The following ZC3H3 variants were observed in gnomAD, a reference collection of about 807,000 sequenced individuals.
ZC3H3 encodes zinc finger CCCH-type containing 3, also known as zinc finger CCCH domain-containing protein 3.
ZC3H3 carries 36 observed loss-of-function variants against 77.3 expected under a neutral mutation model. The ratio of observed to expected loss-of-function variants is 0.47; its 90% confidence interval spans 0.36 to 0.61. The LOEUF (loss-of-function observed/expected upper bound fraction) is 0.61, where lower values mean the gene tolerates loss of function less well. Among genes scored for constraint, ZC3H3 ranks in the 20% least tolerant of loss-of-function variants. The pLI is 0.00. For synonymous variants in ZC3H3, 626 were observed against 555.2 expected (o/e 1.13, Z -1.79); for missense variants, 1,331 against 1,312.2 (o/e 1.01, Z -0.22).
intron 4 of ZC3H3, among the ~76,000 whole-genome samples, chr8:143,488,791 G>A (rs376574932): frequency 2.0e-5 from 3 of 152,348 alleles, no homozygotes; most frequent in South Asian, 2.1e-4. Flanking sequence ...AATTCAAAGC[G>A]AGGAAAATGA....
At chr8:143,483,735 A>G (rs380904) in intron 4 of ZC3H3, among the ~76,000 whole-genome samples, 110,412 of 152,120 alleles carry the variant, frequency 0.73, 40,118 homozygotes, top group South Asian at 0.8. Context: ...TCACAGAAAG[A>G]ACCCTCTTCT....
intron 11 of ZC3H3, among the ~76,000 whole-genome samples, chr8:143,439,800 C>T (rs1563829292): frequency 6.6e-6 from 1 of 152,224 alleles, no homozygotes; most frequent in Non-Finnish European, 1.5e-5. Context: ...TCCCCTGTGC[C>T]CGAGCCCGGC....
intron 4 of ZC3H3, among the ~76,000 whole-genome samples, chr8:143,496,224 C>T (rs1053357994): frequency 1.1e-4 from 17 of 152,190 alleles, no homozygotes; most frequent in African/African-American, 3.9e-4. Flanking sequence ...ACACTCAACG[C>T]CCTTGTTCTG....
chr8:143,532,199 GCTTT>G (rs1408864878), intron 3 of ZC3H3, among the ~76,000 whole-genome samples: 2 of 150,420 alleles, frequency 1.3e-5, no homozygotes. Context: ...CTTGGTATCT[GCTTT>G]CTTTCACATA....
chr8:143,507,803 G>A lies in ZC3H3; in HGVS notation c.1658C>T (p.Ala553Val). 6.2e-7 allele frequency: 1 copy of A among 1,606,740 alleles called. No homozygotes were observed. Among genetic ancestry groups the A allele is most frequent in the East Asian group, 2.2e-5 (1 of 44,710 alleles). ...GGGCAGAGACAGGGGGAAGGGCGGG[G>A]CGCTGAGAGGCGAGGCCGGCGTCTT... ...VKKTPASPLS[A>V]PPFPLSLPSW... Residue 553 changes from alanine (A) to valine (V), a missense_variant, in exon 4 of 12, where the codon GCC becomes GTC. This residue lies in a region of ZC3H3 where 978 missense variants were observed against 915.5 expected (regional missense o/e 1.07). Transcript: ENST00000262577.
intron 3 of ZC3H3, among the ~76,000 whole-genome samples, chr8:143,526,041 C>T (rs1822401084): frequency 6.6e-6 from 1 of 152,236 alleles, no homozygotes; most frequent in Non-Finnish European, 1.5e-5. Context: ...GGAGAACCCC[C>T]ACAGCCACCA....
intron 9 of ZC3H3, among the ~76,000 whole-genome samples, chr8:143,455,703 T>C (rs983195456): frequency 6.6e-6 from 1 of 152,212 alleles, no homozygotes; most frequent in African/African-American, 2.4e-5. Flanking sequence ...CCGGGCGTGA[T>C]GGCTCATGCC....
At chr8:143,464,048 G>A (rs1412336127) in intron 9 of ZC3H3, among the ~76,000 whole-genome samples, 2 of 152,252 alleles carry the variant, frequency 1.3e-5, no homozygotes, top group African/African-American at 2.4e-5. Context: ...TACTTCAGGC[G>A]CAAGGTGACG....
At chr8:143,486,822 G>C (rs867066437) in intron 4 of ZC3H3, among the ~76,000 whole-genome samples, 1,216 of 111,142 alleles carry the variant, frequency 0.011, 14 homozygotes, top group Middle Eastern at 0.055. Context: ...ACGAAGCTCA[G>C]ACACAGAACA....
chr8:143,450,641 G>A (rs563544297), intron 9 of ZC3H3, among the ~76,000 whole-genome samples: 4 of 152,284 alleles, frequency 2.6e-5, no homozygotes, highest in African/African-American at 7.2e-5. Context: ...TGAGCAGGTC[G>A]AGAGAGGGGG....
At chr8:143,483,113 G>C (rs1820951520) in intron 4 of ZC3H3, among the ~76,000 whole-genome samples, 1 of 152,266 alleles carries the variant, frequency 6.6e-6, no homozygotes, top group African/African-American at 2.4e-5. Flanking sequence ...AGCCCGAGCG[G>C]GGAGTGCGAA....
At chr8:143,484,874 A>G (rs1188713383) in intron 4 of ZC3H3, 1 of 455,596 alleles carries the variant, frequency 2.2e-6, no homozygotes, top group South Asian at 1.6e-5. Flanking sequence ...CCACACAGCA[A>G]ATCCGGCTCA....
chr8:143,489,309 A>C (rs1024504388), intron 4 of ZC3H3, among the ~76,000 whole-genome samples: 4 of 138,354 alleles, frequency 2.9e-5, no homozygotes, highest in African/African-American at 1.1e-4. Context: ...CCAGGTGGGA[A>C]GGGCTCAGCC....
In ZC3H3 at chr8:143,468,549, G is replaced by A. The variant is rs559480750; in HGVS notation, c.1947-9C>T. 109 of 1,605,454 alleles carry A rather than the reference G, an allele frequency of 6.8e-5. No homozygotes were observed. The highest frequency in any genetic ancestry group is 1.3e-4 in the South Asian group (12 of 89,734). ...TGCGCTGCACTGCCCGGCTGCAGAC[G>A]GGGAGAGAGGTGCGTGAGCCTGAGG... On this transcript the variant is annotated splice_polypyrimidine_tract_variant and intron_variant, in intron 6 of 11. Transcript: ENST00000262577.
Position 143,538,222 on chromosome 8 carries a change from G to A in ZC3H3, c.1145C>T (p.Ser382Phe), listed in dbSNP as rs1563889852. The A allele has an allele frequency of 6.2e-7, 1 of 1,613,032 alleles. No homozygotes were observed. ...GGAAGAGGAGGAGGCAGAGGGGCTG[G>A]AGGCCTTCCACTTGTACTTGCTGGG... ...SAPSKYKWKA[S>F]SPSASSSSSF... Residue 382 changes from serine to phenylalanine, a missense_variant, in exon 2 of 12, where the codon TCC becomes TTC. Physicochemically the swap from Ser to Phe is radical, Grantham distance 155 (BLOSUM62 -2). Transcript: ENST00000262577.
chr8:143,515,456 G>A (rs1328376019), intron 3 of ZC3H3, among the ~76,000 whole-genome samples: 1 of 152,260 alleles, frequency 6.6e-6, no homozygotes. Flanking sequence ...TGGGGACCCT[G>A]CAGTTGTGCG....
intron 3 of ZC3H3, among the ~76,000 whole-genome samples, chr8:143,521,600 G>A (rs1822244568): frequency 1.3e-5 from 2 of 152,200 alleles, no homozygotes; most frequent in Non-Finnish European, 2.9e-5. Flanking sequence ...GCAGGCAGGA[G>A]GTGGGACAGG....
At chr8:143,520,306 G>C (rs1822200127) in intron 3 of ZC3H3, among the ~76,000 whole-genome samples, 1 of 152,224 alleles carries the variant, frequency 6.6e-6, no homozygotes, top group Non-Finnish European at 1.5e-5. Flanking sequence ...AGGCTCCCCT[G>C]CTGGACCCCG....
chr8:143,536,117 C>T, intron 3 of ZC3H3, 140 bp downstream of exon 3: 1 of 1,059,212 alleles, frequency 9.4e-7, no homozygotes, highest in South Asian at 1.6e-5. Flanking sequence ...AGCCCACCAC[C>T]ACCGTCTGCC....
Sources: gnomAD v4.1 joint callset for allele counts (sites outside exome capture counted in the v4.1 genomes callset) on GRCh38, gnomAD v4.1.1 for gene constraint, gnomAD v4.1.1 regional missense constraint, MANE v1.5 for transcripts, NCBI Gene and HGNC (gene_info 2026-07-23, HGNC 2026-07-21) for gene names.